The following MCTP1 variants were observed in gnomAD, a reference collection of about 807,000 sequenced individuals.
MCTP1 encodes the protein multiple C2 and transmembrane domain-containing protein 1.
MCTP1 carries 69 observed loss-of-function variants against 120.6 expected under a neutral mutation model. That is an observed-to-expected ratio of 0.57 (90% CI 0.47 to 0.70). The LOEUF (loss-of-function observed/expected upper bound fraction) is 0.70, where lower values mean the gene tolerates loss of function less well. Among genes scored for constraint, MCTP1 ranks in the 30% least tolerant of loss-of-function variants. The pLI, the probability that MCTP1 is intolerant of heterozygous loss-of-function variation, is 0.00. For missense variants in MCTP1, 1,203 were observed against 1,248.8 expected (o/e 0.96, Z 0.55); for synonymous variants, 529 against 493.1 (o/e 1.07, Z -0.96).
chr5:94,905,753 T>G (rs552244004), intron 10 of MCTP1, among the ~76,000 whole-genome samples: 5 of 152,146 alleles, frequency 3.3e-5, no homozygotes, highest in Non-Finnish European at 7.4e-5. Flanking sequence ...GACTTTCAAA[T>G]AGTGATATCA....
chr5:95,210,138 A>G (rs1032259988), intron 1 of MCTP1, among the ~76,000 whole-genome samples: 5 of 152,114 alleles, frequency 3.3e-5, no homozygotes, highest in Admixed American at 6.6e-5. Flanking sequence ...GTGCTGAAAA[A>G]AATGTATATT....
At chr5:95,123,235 A>C (rs1758368494) in intron 1 of MCTP1, among the ~76,000 whole-genome samples, 2 of 152,314 alleles carry the variant, frequency 1.3e-5, no homozygotes, top group South Asian at 4.1e-4. Context: ...GTAACCCATA[A>C]ATATGTATAT....
chr5:94,927,149 C>T (rs1813343446), intron 6 of MCTP1, among the ~76,000 whole-genome samples: 1 of 152,110 alleles, frequency 6.6e-6, no homozygotes, highest in Non-Finnish European at 1.5e-5. Context: ...AATTATGGCT[C>T]CATGTATTTT....
chr5:95,255,150 T>C (rs561229782), intron 1 of MCTP1, among the ~76,000 whole-genome samples: 1 of 152,116 alleles, frequency 6.6e-6, no homozygotes, highest in East Asian at 1.9e-4. Context: ...GTTGCAGGAG[T>C]TTATGGGTTA....
At chr5:94,852,259 A>C (rs1177132458) in intron 17 of MCTP1, among the ~76,000 whole-genome samples, 1 of 151,938 alleles carries the variant, frequency 6.6e-6, no homozygotes, top group Non-Finnish European at 1.5e-5. Flanking sequence ...TCAGTCAGTA[A>C]AACTGTGAAC....
At chr5:94,787,029 G>C (rs1041414476) in intron 18 of MCTP1, among the ~76,000 whole-genome samples, 8 of 152,100 alleles carry the variant, frequency 5.3e-5, no homozygotes, top group Non-Finnish European at 1.0e-4. Context: ...TGCTGGTGTA[G>C]GTTTACCTTT....
At position 95,188,286 on chromosome 5, in the gene MCTP1, C is replaced by T. The variant is rs76042037; in HGVS notation, c.720+95570G>A. Among the ~76,000 whole-genome samples the T allele has an allele frequency of 3.9e-3, 599 of 152,266 alleles. 6 individuals carry two copies. The highest frequency in any genetic ancestry group is 0.012 in the African/African-American group (514 of 41,558). ...AATGCTGATGATGCTGAGAAGTTGG[C>T]TCACCGGTGCAATGATGCTGGAAAT... is the stretch of plus-strand genomic sequence containing the variant. On this transcript the variant is annotated intron_variant, in intron 1 of 22. Coordinates refer to ENST00000515393, the MANE Select transcript of MCTP1 (RefSeq NM_024717.7).
At chr5:94,768,045 T>A (rs753620301) in intron 19 of MCTP1, among the ~76,000 whole-genome samples, 21 of 152,134 alleles carry the variant, frequency 1.4e-4, no homozygotes, top group Non-Finnish European at 1.5e-4. Context: ...GGTATTGGTA[T>A]TAAAACAGAC....
In MCTP1 at chr5:95,276,251, ATTTTTTTTTTT is replaced by A. The variant is rs34667866; in HGVS notation, c.720+7594_720+7604del. ...GACAGGATTCTTGGTCAATATTGGGATTTTTTTTTTTTTTTTTTTTTTTTTTGATCGAGTTT... is the reference window on the plus strand; with the variant it reads ...GACAGGATTCTTGGTCAATATTGGGATTTTTTTTTTTTTTTGATCGAGTTT... On this transcript the variant is annotated intron_variant, in intron 1 of 22. Transcript: ENST00000515393. 2.9e-3 allele frequency among the ~76,000 whole-genome samples: 248 copies of A among 84,780 alleles called. 1 individual carries two copies. Among genetic ancestry groups the A allele is most frequent in the African/African-American group, 0.011 (229 of 21,112 alleles). 55.6% of individuals were successfully genotyped at this position (84,780 alleles called of 152,430 possible). A position where few individuals can be genotyped will look rare whatever the true frequency, so the allele number is the denominator to read the frequency against.
At chr5:95,163,824 CT>C (rs1427185704) in intron 1 of MCTP1, among the ~76,000 whole-genome samples, 3 of 152,150 alleles carry the variant, frequency 2.0e-5, no homozygotes, top group Admixed American at 1.3e-4. Context: ...CCTCAGTTCT[CT>C]TTCTGTAAAA....
intron 18 of MCTP1, among the ~76,000 whole-genome samples, chr5:94,791,112 C>CAAAAAAAAAAAA (rs60394333): frequency 1.0e-5 from 1 of 99,660 alleles, no homozygotes; most frequent in Non-Finnish European, 1.9e-5. Flanking sequence ...GTCTCTACTA[C>CAAAAAAAAAAAA]AAAAAAAAAA....
chr5:94,716,192 T>A (rs1759240464), intron 19 of MCTP1, among the ~76,000 whole-genome samples: 3 of 152,222 alleles, frequency 2.0e-5, no homozygotes, highest in East Asian at 1.9e-4. Context: ...AATTTTAAAT[T>A]TAATTCACAT....
intron 1 of MCTP1, among the ~76,000 whole-genome samples, chr5:95,142,967 T>C (rs1760066101): frequency 1.3e-5 from 2 of 152,146 alleles, no homozygotes; most frequent in Admixed American, 6.5e-5. Context: ...TAAACACCAC[T>C]GTGCAAATAA....
At chr5:95,029,915 C>A (rs1839972412) in intron 1 of MCTP1, among the ~76,000 whole-genome samples, 1 of 152,214 alleles carries the variant, frequency 6.6e-6, no homozygotes, top group Admixed American at 6.5e-5. Context: ...TACACCACAA[C>A]CTGCTCTGAC....
intron 1 of MCTP1, among the ~76,000 whole-genome samples, chr5:95,155,405 T>TAA: frequency 6.6e-6 from 1 of 152,274 alleles, no homozygotes; most frequent in Non-Finnish European, 1.5e-5. Flanking sequence ...TTTTTGAGTA[T>TAA]AAAATTCCTT....
At chr5:94,845,636 C>T (rs1792162926) in intron 17 of MCTP1, among the ~76,000 whole-genome samples, 1 of 152,136 alleles carries the variant, frequency 6.6e-6, no homozygotes, top group Non-Finnish European at 1.5e-5. Context: ...CCTCCCCTTC[C>T]TGGGCTCAAA....
chr5:94,908,157 T>C (rs1807426700), intron 10 of MCTP1, among the ~76,000 whole-genome samples: 1 of 152,044 alleles, frequency 6.6e-6, no homozygotes, highest in Non-Finnish European at 1.5e-5. Context: ...GATAAAACTT[T>C]AGGAAAACTC....
intron 2 of MCTP1, among the ~76,000 whole-genome samples, chr5:94,992,292 GGATGATGAT>G (rs148599893): frequency 2.6e-5 from 4 of 151,632 alleles, no homozygotes; most frequent in African/African-American, 7.3e-5. Context: ...ATAATGTTGA[GGATGATGAT>G]GATGATGATG....
chr5:94,785,964 A>G (rs1321839933), intron 18 of MCTP1, among the ~76,000 whole-genome samples: 1 of 152,168 alleles, frequency 6.6e-6, no homozygotes, highest in African/African-American at 2.4e-5. Context: ...AATACTATGG[A>G]AATATTGGAA....
Sources: gnomAD v4.1 joint callset for allele counts (sites outside exome capture counted in the v4.1 genomes callset) on GRCh38, gnomAD v4.1.1 for gene constraint, MANE v1.5 for transcripts, NCBI Gene and HGNC (gene_info 2026-07-23, HGNC 2026-07-21) for gene names.